The following TBXAS1 variants were observed in gnomAD, a reference collection of about 807,000 sequenced individuals.
TBXAS1 encodes the protein thromboxane A synthase 1.
Under a neutral mutation model 60.7 loss-of-function variants are expected in TBXAS1, and 48 were observed. That is an observed-to-expected ratio of 0.79 (90% CI 0.63 to 1.01). The LOEUF (loss-of-function observed/expected upper bound fraction) is 1.01. Among genes scored for constraint, TBXAS1 ranks in the 50% least tolerant of loss-of-function variants. TBXAS1 has a pLI of 0.00. For missense variants in TBXAS1, 685 were observed against 686.3 expected (o/e 1.00, Z 0.02); for synonymous variants, 287 against 269.7 (o/e 1.06, Z -0.63).
intron 5 of TBXAS1, among the ~76,000 whole-genome samples, chr7:139,944,385 A>G (rs1055652478): frequency 6.6e-6 from 1 of 152,234 alleles, no homozygotes; most frequent in Non-Finnish European, 1.5e-5. Flanking sequence ...AAGCTGAAAA[A>G]GTAGGTTGAG....
chr7:140,001,061 C>T (rs1273815497), intron 9 of TBXAS1, among the ~76,000 whole-genome samples: 1 of 152,196 alleles, frequency 6.6e-6, no homozygotes, highest in Non-Finnish European at 1.5e-5. Context: ...CGGAACAGAA[C>T]CCTGCCCTTT....
At chr7:139,930,882 A>G (rs1807268674) in intron 4 of TBXAS1, among the ~76,000 whole-genome samples, 1 of 152,138 alleles carries the variant, frequency 6.6e-6, no homozygotes, top group African/African-American at 2.4e-5. Context: ...GTGGGGATGG[A>G]AAGAGTTGGC....
chr7:139,942,349 C>T (rs967415213), intron 5 of TBXAS1, among the ~76,000 whole-genome samples: 3 of 152,214 alleles, frequency 2.0e-5, no homozygotes, highest in Non-Finnish European at 4.4e-5. Context: ...ATTCTGGGCT[C>T]AAATAGGTTT....
chr7:139,949,284 G>A (rs966585762), intron 5 of TBXAS1, among the ~76,000 whole-genome samples: 1 of 152,192 alleles, frequency 6.6e-6, no homozygotes, highest in Non-Finnish European at 1.5e-5. Context: ...CTTCAAGCTA[G>A]ATATCTAAAA....
At chr7:140,011,902 G>A (rs1448498056) in intron 10 of TBXAS1, among the ~76,000 whole-genome samples, 3 of 151,902 alleles carry the variant, frequency 2.0e-5, no homozygotes, top group Non-Finnish European at 2.9e-5. Flanking sequence ...AATAAACCCA[G>A]CCTCACCAGG....
chr7:139,984,771 A>AGAAAGAAAAGAAAGAAAGAAAGCAG (rs1812279776), intron 9 of TBXAS1, among the ~76,000 whole-genome samples: 3 of 68,500 alleles, frequency 4.4e-5, no homozygotes, highest in African/African-American at 5.6e-5. Flanking sequence ...AAAGCAGGAA[A>AGAAAGAAAAGAAAGAAAGAAAGCAG]GAAAGAAAGA....
chr7:139,907,962 G>A (rs535548870), intron 3 of TBXAS1, among the ~76,000 whole-genome samples: 35 of 152,072 alleles, frequency 2.3e-4, no homozygotes, highest in African/African-American at 8.2e-4. Flanking sequence ...GTTTGTAGTA[G>A]ACCCTTATCC....
intron 4 of TBXAS1, among the ~76,000 whole-genome samples, chr7:139,798,718 C>T (rs1032531537): frequency 1.3e-5 from 2 of 152,138 alleles, no homozygotes; most frequent in African/African-American, 4.8e-5. Flanking sequence ...CACAAGAACC[C>T]AAGGAAGCTT....
At chr7:140,002,906 C>G (rs904814834) in intron 9 of TBXAS1, among the ~76,000 whole-genome samples, 4 of 151,888 alleles carry the variant, frequency 2.6e-5, no homozygotes, top group African/African-American at 9.7e-5. Context: ...GGCGGATTGC[C>G]TGAGGTCAGG....
intron 1 of TBXAS1, among the ~76,000 whole-genome samples, chr7:139,854,225 G>GA (rs532954606): frequency 7.7e-4 from 117 of 152,156 alleles, no homozygotes; most frequent in Non-Finnish European, 1.4e-3. Flanking sequence ...TGGCCCTAGA[G>GA]AAAAGCCTGG....
At chr7:139,936,086 G>A in intron 4 of TBXAS1, 105 bp from the exon 5 acceptor site, 1 of 978,588 alleles carries the variant, frequency 1.0e-6, no homozygotes, top group Non-Finnish European at 1.7e-6. Context: ...CTAACTTGTT[G>A]GCCACTGATG....
chr7:139,997,529 A>T (rs1187525521), intron 9 of TBXAS1, among the ~76,000 whole-genome samples: 1 of 152,126 alleles, frequency 6.6e-6, no homozygotes, highest in African/African-American at 2.4e-5. Flanking sequence ...TTAGGTAATT[A>T]GATGTGTTTT....
intron 3 of TBXAS1, among the ~76,000 whole-genome samples, chr7:139,894,976 G>A (rs1803970121): frequency 6.6e-6 from 1 of 152,330 alleles, no homozygotes; most frequent in East Asian, 1.9e-4. Context: ...AGTTGCTCAA[G>A]AATGCCAGGT....
chr7:139,950,157 C>T (rs189176596), intron 5 of TBXAS1, among the ~76,000 whole-genome samples: 28 of 150,892 alleles, frequency 1.9e-4, no homozygotes, highest in Admixed American at 1.0e-3. Context: ...CCTCAGCCTC[C>T]GAGTAGCTGG....
intron 5 of TBXAS1, chr7:139,952,718 AT>A: frequency 6.7e-7 from 1 of 1,490,318 alleles, no homozygotes; most frequent in African/African-American, 1.4e-5. Context: ...ACATAAAAGT[AT>A]TTTCCTATTA....
intron 11 of TBXAS1, among the ~76,000 whole-genome samples, chr7:140,017,145 A>T (rs954166314): frequency 1.3e-5 from 2 of 152,236 alleles, no homozygotes; most frequent in African/African-American, 4.8e-5. Flanking sequence ...CCTGCAAAGC[A>T]AACACGGGCA....
At chr7:139,867,829 T>A (rs1036171211) in intron 1 of TBXAS1, among the ~76,000 whole-genome samples, 27 of 139,200 alleles carry the variant, frequency 1.9e-4, no homozygotes, top group African/African-American at 4.8e-4. Context: ...AAATAAATAA[T>A]AAATAAATAA....
intron 1 of TBXAS1, among the ~76,000 whole-genome samples, chr7:139,840,280 G>T (rs905960861): frequency 3.3e-5 from 5 of 152,116 alleles, no homozygotes; most frequent in Non-Finnish European, 5.9e-5. Context: ...AGAGGAAGAA[G>T]CCATGTAGGT....
intron 9 of TBXAS1, among the ~76,000 whole-genome samples, chr7:139,974,644 TA>T (rs1197075233): frequency 1.3e-5 from 2 of 152,218 alleles, no homozygotes; most frequent in African/African-American, 2.4e-5. Context: ...TCACCAAGAT[TA>T]AACGAGTTAA....
Sources: gnomAD v4.1 joint callset for allele counts (sites outside exome capture counted in the v4.1 genomes callset) on GRCh38, gnomAD v4.1.1 for gene constraint, MANE v1.5 for transcripts, NCBI Gene and HGNC (gene_info 2026-07-23, HGNC 2026-07-21) for gene names.